Variants in PHF6 observed in about 807,000 individuals in gnomAD.
The protein encoded by PHF6 is PHD-like zinc finger protein.
In PHF6, 7 loss-of-function variants were observed where a neutral mutation model predicts 34.0. The observed-to-expected ratio is 0.21, with a 90% confidence interval of 0.12 to 0.39. The LOEUF is 0.39. Among genes scored for constraint, PHF6 ranks in the 10% least tolerant of loss-of-function variants. The pLI is 1.00. For synonymous variants in PHF6, 89 were observed against 88.4 expected (o/e 1.01, Z -0.04); for missense variants, 128 against 262.8 (o/e 0.49, Z 3.55).
At chrX:134,417,049 A>T in intron 8 of PHF6, 120 bp from the exon 9 acceptor site, 1 of 763,939 alleles carries the variant, frequency 1.3e-6, no homozygotes, top group Non-Finnish European at 2.0e-6. Context: ...AGTATGGTTT[A>T]AGTTGCAGCA....
chrX:134,417,367 T>C, intron 9 of PHF6, 65 bp downstream of exon 9: 5 of 1,091,677 alleles, frequency 4.6e-6, no homozygotes, highest in Non-Finnish European at 6.3e-6. Context: ...TAGATGACAT[T>C]AGTTTACTCA....
chrX:134,408,293 A>G (rs2077434108), intron 5 of PHF6, among the ~76,000 whole-genome samples: 1 of 112,296 alleles, frequency 8.9e-6, no homozygotes, highest in Non-Finnish European at 1.9e-5. Context: ...TAATACTGCA[A>G]CAATTTCCCT....
In PHF6 at chrX:134,427,802, A is replaced by G. The variant is rs770825845; in HGVS notation, c.*2142A>G. On this transcript the variant is annotated 3_prime_UTR_variant, in exon 11 of 11. Coordinates refer to ENST00000370803, the MANE Select transcript of PHF6 (RefSeq NM_001015877.2). Reference sequence around the variant, plus strand: ...AATCATGTTTGGTTGTAAACCTCCAATGTTTTGATTCTCTAATCATGTTTT... The same window carrying G: ...AATCATGTTTGGTTGTAAACCTCCAGTGTTTTGATTCTCTAATCATGTTTT... The G allele has an allele frequency of 6.3e-6, 1 of 158,774 alleles. No homozygotes were observed. Among genetic ancestry groups the G allele is most frequent in the African/African-American group, 3.0e-5 (1 of 33,110 alleles). The allele number at this position is 158,774 out of a possible 1,213,427, so 13.1% of individuals were successfully genotyped here.
intron 3 of PHF6, 33 bp from the exon 4 acceptor site, chrX:134,393,468 T>C (rs759200896): frequency 8.3e-7 from 1 of 1,200,995 alleles, no homozygotes; most frequent in Admixed American, 2.2e-5. Flanking sequence ...GAAAGTCACA[T>C]ACTAATAATA....
intron 8 of PHF6, among the ~76,000 whole-genome samples, chrX:134,416,050 C>G (rs1408220453): frequency 9.1e-6 from 1 of 110,236 alleles, no homozygotes; most frequent in Admixed American, 9.7e-5. Flanking sequence ...ACCTCTGCCT[C>G]CCGGGTTCAA....
chrX:134,417,400 T>G (rs2077476052), intron 9 of PHF6, 98 bp downstream of exon 9: 1 of 902,280 alleles, frequency 1.1e-6, no homozygotes, highest in Non-Finnish European at 1.6e-6. Flanking sequence ...AAATGGTGTT[T>G]AGTTAAGTAT....
At chrX:134,408,567 C>G (rs1328425000) in intron 5 of PHF6, among the ~76,000 whole-genome samples, 1 of 105,737 alleles carries the variant, frequency 9.5e-6, no homozygotes, top group Non-Finnish European at 2.0e-5. Context: ...GGCCTCTGTT[C>G]ATGTTTTTTT....
chrX:134,401,404 A>G (rs757924853), intron 5 of PHF6, among the ~76,000 whole-genome samples: 19 of 111,720 alleles, frequency 1.7e-4, no homozygotes, highest in Non-Finnish European at 3.4e-4. Flanking sequence ...TCATGTATCA[A>G]ATGAGACTAA....
intron 3 of PHF6, among the ~76,000 whole-genome samples, chrX:134,392,589 GGTAA>G (rs1202187332): frequency 9.0e-6 from 1 of 111,460 alleles, no homozygotes; most frequent in African/African-American, 3.3e-5. Context: ...TAGTGCAAGA[GGTAA>G]GTGACATAGA....
At chrX:134,380,300 CTG>C (rs1451902372) in intron 3 of PHF6, among the ~76,000 whole-genome samples, 1 of 109,661 alleles carries the variant, frequency 9.1e-6, no homozygotes, top group Non-Finnish European at 1.9e-5. Flanking sequence ...GCGCCCATCA[CTG>C]TGCCTGGCTA....
rs910824399 is a variant in PHF6, at chrX:134,412,250, T to A, written c.419-1241T>A. Among the ~76,000 whole-genome samples the A allele has an allele frequency of 4.5e-4, 51 of 112,239 alleles. 1 individual carries two copies. Among genetic ancestry groups the A allele is most frequent in the Non-Finnish European group, 1.5e-4 (8 of 53,267 alleles). On this transcript the variant is annotated intron_variant, in intron 5 of 10. Coordinates refer to ENST00000370803, the MANE Select transcript of PHF6 (RefSeq NM_001015877.2). ...ATGCAATAACTTTTACCTTTTCCCC[T>A]TAACTCCCTCAAGTCCCACCAGAGC...
intron 5 of PHF6, among the ~76,000 whole-genome samples, chrX:134,404,272 C>T (rs1476920017): frequency 2.7e-5 from 3 of 111,942 alleles, no homozygotes; most frequent in East Asian, 5.6e-4. Context: ...CCAACCCTCA[C>T]GGATTACTTT....
At chrX:134,398,519 A>G (rs948806218) in intron 5 of PHF6, among the ~76,000 whole-genome samples, 1 of 112,251 alleles carries the variant, frequency 8.9e-6, no homozygotes, top group Non-Finnish European at 1.9e-5. Context: ...TTTTAAGCAA[A>G]GAGAATGGCT....
At chrX:134,416,901 T>C (rs1437653488) in intron 8 of PHF6, among the ~76,000 whole-genome samples, 1 of 111,813 alleles carries the variant, frequency 8.9e-6, no homozygotes, top group Admixed American at 9.5e-5. Flanking sequence ...TTTTGTGTAT[T>C]TGGCAGCATT....
At chrX:134,399,646 C>G (rs1480450061) in intron 5 of PHF6, among the ~76,000 whole-genome samples, 1 of 104,636 alleles carries the variant, frequency 9.6e-6, no homozygotes, top group Non-Finnish European at 2.0e-5. Context: ...TCCCCAACCC[C>G]TAACATACAC....
At chrX:134,401,679 G>A (rs962782698) in intron 5 of PHF6, among the ~76,000 whole-genome samples, 1 of 111,658 alleles carries the variant, frequency 9.0e-6, no homozygotes, top group African/African-American at 3.3e-5. Flanking sequence ...AGATAAAGTG[G>A]TGATAAGTGT....
chrX:134,375,825 G>A (rs1376567447), intron 1 of PHF6, among the ~76,000 whole-genome samples: 2 of 112,060 alleles, frequency 1.8e-5, no homozygotes, highest in Admixed American at 1.9e-4. Flanking sequence ...ACCGAACACA[G>A]ATACTTGCCT....
intron 3 of PHF6, among the ~76,000 whole-genome samples, chrX:134,385,876 T>C (rs1381106665): frequency 8.9e-6 from 1 of 111,762 alleles, no homozygotes; most frequent in Non-Finnish European, 1.9e-5. Flanking sequence ...CCATATAGTA[T>C]AGAGTTTAGA....
At chrX:134,391,648 T>C in intron 3 of PHF6, among the ~76,000 whole-genome samples, 1 of 112,005 alleles carries the variant, frequency 8.9e-6, no homozygotes, top group South Asian at 3.7e-4. Flanking sequence ...AGTTTCAAGA[T>C]AAACTACTTT....
Sources: gnomAD v4.1 joint callset for allele counts (sites outside exome capture counted in the v4.1 genomes callset) on GRCh38, gnomAD v4.1.1 for gene constraint, MANE v1.5 for transcripts, NCBI Gene and HGNC (gene_info 2026-07-23, HGNC 2026-07-21) for gene names.